Variants in TENM2 observed in about 807,000 individuals in gnomAD.
TENM2 encodes teneurin-2.
In TENM2, 52 loss-of-function variants were observed where a neutral mutation model predicts 245.2. The ratio of observed to expected loss-of-function variants is 0.21; its 90% CI spans 0.17 to 0.27. TENM2 has a LOEUF of 0.27. TENM2 is among the 10% of genes least tolerant of loss of function. The pLI is 1.00. For missense variants in TENM2, 3,046 were observed against 3,666.8 expected, an observed-to-expected ratio of 0.83 and a Z score of 4.37; for synonymous variants, 1,363 against 1,438.9, an observed-to-expected ratio of 0.95 and a Z score of 1.19.
At chr5:167,429,435 C>T (rs1025909364) in intron 2 of TENM2, among the ~76,000 whole-genome samples, 6 of 152,068 alleles carry the variant, frequency 3.9e-5, no homozygotes, top group Non-Finnish European at 8.8e-5. Flanking sequence ...TCCGTGTAAA[C>T]AAGCCAGTCC....
the TENM2 span, among the ~76,000 whole-genome samples, chr5:167,117,113 A>C: frequency 4.6e-5 from 7 of 152,224 alleles, no homozygotes; most frequent in African/African-American, 1.7e-4. Flanking sequence ...GGCCTTGCAA[A>C]AGTGAATCTA....
chr5:168,047,951 G>A (rs1489675178), intron 6 of TENM2, among the ~76,000 whole-genome samples: 2 of 152,220 alleles, frequency 1.3e-5, no homozygotes, highest in African/African-American at 4.8e-5. Context: ...GCAGCAGGCA[G>A]CACATGCCAT....
At chr5:167,027,926 C>T in the TENM2 span, among the ~76,000 whole-genome samples, 6 of 151,940 alleles carry the variant, frequency 3.9e-5, no homozygotes, top group African/African-American at 7.2e-5. Context: ...AAAAATTAGC[C>T]GGGCCTTGGT....
At chr5:167,349,199 A>G (rs1001692205) in intron 1 of TENM2, among the ~76,000 whole-genome samples, 7 of 152,132 alleles carry the variant, frequency 4.6e-5, no homozygotes, top group East Asian at 1.9e-4. Flanking sequence ...CCGGGCATCA[A>G]CTGGTTCAAC....
chr5:168,152,456 C>T (rs1029905604), intron 12 of TENM2, among the ~76,000 whole-genome samples: 1 of 152,184 alleles, frequency 6.6e-6, no homozygotes, highest in African/African-American at 2.4e-5. Flanking sequence ...GTAACAAGTC[C>T]GTGCCCACAG....
chr5:167,222,086 A>C, the TENM2 span, among the ~76,000 whole-genome samples: 1 of 152,164 alleles, frequency 6.6e-6, no homozygotes, highest in Non-Finnish European at 1.5e-5. Context: ...GTTTCCTTAG[A>C]AAAAAATTGG....
At chr5:167,541,454 G>A (rs1772207906) in intron 2 of TENM2, among the ~76,000 whole-genome samples, 1 of 152,132 alleles carries the variant, frequency 6.6e-6, no homozygotes, top group African/African-American at 2.4e-5. Flanking sequence ...GAGAGGTTTG[G>A]AGTAAATTAA....
At chr5:167,164,580 G>T in the TENM2 span, among the ~76,000 whole-genome samples, 1 of 152,096 alleles carries the variant, frequency 6.6e-6, no homozygotes, top group Non-Finnish European at 1.5e-5. Context: ...GACACGAGAG[G>T]CTCTTTTTTT....
chr5:167,309,860 C>G (rs1403306420), intron 1 of TENM2: 1 of 152,082 alleles, frequency 6.6e-6, no homozygotes, highest in Non-Finnish European at 1.5e-5. Flanking sequence ...CAAGGCTTCC[C>G]GGAGACCCTT....
Position 167,613,201 on chromosome 5 carries a change from T to C in TENM2, c.502+237728T>C, listed in dbSNP as rs140304833. Among the ~76,000 whole-genome samples, 1,206 of 152,292 alleles carry C rather than the reference T, an allele frequency of 7.9e-3. 18 individuals carry two copies. Among genetic ancestry groups the C allele is most frequent in the African/African-American group, 0.027 (1,140 of 41,562 alleles). On this transcript the variant is annotated intron_variant, in intron 2 of 28. Coordinates refer to ENST00000518659, the Ensembl canonical transcript of TENM2. ...GGCTCCACCACTTACTCTGTAACAC[T>C]GGGCAAGTCACTTAACATCTAGATG...
At chr5:167,617,151 A>G (rs370401874) in intron 2 of TENM2, among the ~76,000 whole-genome samples, 1 of 152,058 alleles carries the variant, frequency 6.6e-6, no homozygotes, top group East Asian at 1.9e-4. Flanking sequence ...CCCTTCTTTA[A>G]ATTGTGTCAT....
At chr5:167,034,178 C>T in the TENM2 span, among the ~76,000 whole-genome samples, 2 of 152,102 alleles carry the variant, frequency 1.3e-5, no homozygotes, top group African/African-American at 4.8e-5. Flanking sequence ...TGCTCTATAT[C>T]AGAGTATAGC....
At chr5:168,080,061 A>G (rs1221580918) in intron 7 of TENM2, among the ~76,000 whole-genome samples, 1 of 152,010 alleles carries the variant, frequency 6.6e-6, no homozygotes, top group East Asian at 1.9e-4. Flanking sequence ...ATCTGGTCCT[A>G]GACTTTTTTT....
intron 2 of TENM2, among the ~76,000 whole-genome samples, chr5:167,811,174 A>C (rs946687713): frequency 3.9e-5 from 6 of 152,194 alleles, no homozygotes; most frequent in African/African-American, 1.4e-4. Flanking sequence ...ATTTTAGTTC[A>C]GCAAATCCTA....
chr5:168,197,072 G>A (rs111345607), intron 15 of TENM2, among the ~76,000 whole-genome samples: 1,652 of 152,216 alleles, frequency 0.011, 42 homozygotes, highest in African/African-American at 0.038. Context: ...TGATTCTACC[G>A]TGCCAACTAG....
intron 2 of TENM2, among the ~76,000 whole-genome samples, chr5:167,379,834 A>C (rs1445380439): frequency 6.6e-6 from 1 of 151,246 alleles, no homozygotes; most frequent in Non-Finnish European, 1.5e-5. Flanking sequence ...ATATGGGATG[A>C]TTTCTTTTCC....
At chr5:167,663,141 G>GGAGAGAGAGAGAGAGA (rs544699415) in intron 2 of TENM2, among the ~76,000 whole-genome samples, 141 of 108,574 alleles carry the variant, frequency 1.3e-3, no homozygotes, top group Non-Finnish European at 1.9e-3. Flanking sequence ...ATGGGGATGG[G>GGAGAGAGAGAGAGAGA]GAGAGAGAGA....
chr5:167,385,502 A>AC (rs1382564702), intron 2 of TENM2, among the ~76,000 whole-genome samples: 1 of 126,804 alleles, frequency 7.9e-6, no homozygotes, highest in African/African-American at 2.9e-5. Flanking sequence ...TTTAGGTTTA[A>AC]TTTTTTTTTT....
At chr5:167,932,156 G>T (rs1382532886) in intron 3 of TENM2, among the ~76,000 whole-genome samples, 1 of 152,172 alleles carries the variant, frequency 6.6e-6, no homozygotes, top group African/African-American at 2.4e-5. Flanking sequence ...TCTGTTGGCT[G>T]CTTAGCAGCA....
Sources: gnomAD v4.1 joint callset for allele counts (sites outside exome capture counted in the v4.1 genomes callset) on GRCh38, gnomAD v4.1.1 for gene constraint, MANE v1.5 for transcripts, NCBI Gene and HGNC (gene_info 2026-07-23, HGNC 2026-07-21) for gene names.